EYS: variants seen among roughly 807,000 people sequenced by gnomAD.
EYS encodes the protein EGF-like photoreceptor maintenance factor, also known as protein eyes shut homolog.
Under a neutral mutation model 282.1 loss-of-function variants are expected in EYS, and 250 were observed. The ratio of observed to expected loss-of-function variants is 0.89; its 90% CI spans 0.80 to 0.98. The LOEUF (loss-of-function observed/expected upper bound fraction) is 0.98, where lower values mean the gene tolerates loss of function less well. EYS is among the 50% of genes least tolerant of loss of function. The pLI is 0.00. For synonymous variants in EYS, 1,355 were observed against 1,282.9 expected (o/e 1.06, Z -1.20); for missense variants, 4,016 against 3,709.0 (o/e 1.08, Z -2.15).
At chr6:65,278,328 A>ATATATATATAGAATCTATATATTC (rs1768115394) in intron 12 of EYS, among the ~76,000 whole-genome samples, 1 of 133,504 alleles carries the variant, frequency 7.5e-6, no homozygotes, top group Admixed American at 7.9e-5. Flanking sequence ...AGAAATCTAT[A>ATATATATATAGAATCTATATATTC]TATATATAGA....
intron 31 of EYS, among the ~76,000 whole-genome samples, chr6:64,094,093 C>T (rs573266230): frequency 1.2e-3 from 186 of 152,246 alleles, no homozygotes; most frequent in African/African-American, 4.0e-3. Context: ...CCTTGCATCC[C>T]AGGGATGAAG....
intron 35 of EYS, among the ~76,000 whole-genome samples, chr6:63,983,993 TA>T (rs1272938974): frequency 6.6e-6 from 1 of 151,318 alleles, no homozygotes; most frequent in Non-Finnish European, 1.5e-5. Context: ...GGCAGATGAG[TA>T]AAAAACAAAT....
chr6:64,008,885 C>A (rs1195610423), intron 33 of EYS, among the ~76,000 whole-genome samples: 2 of 152,158 alleles, frequency 1.3e-5, no homozygotes, highest in African/African-American at 4.8e-5. Flanking sequence ...TTCTCTCTAG[C>A]TGCCTTTAAC....
intron 1 of EYS, among the ~76,000 whole-genome samples, chr6:65,655,838 T>A (rs139493063): frequency 1.3e-5 from 2 of 151,836 alleles, no homozygotes; most frequent in South Asian, 2.1e-4. Context: ...GTGAACAATG[T>A]TGAAATAACA....
At chr6:63,920,916 A>G (rs1406266095) in intron 35 of EYS, among the ~76,000 whole-genome samples, 1 of 150,864 alleles carries the variant, frequency 6.6e-6, no homozygotes, top group East Asian at 2.0e-4. Context: ...TTTTGGAGAC[A>G]GAGTCTCACT....
chr6:65,339,372 T>A (rs1251760960), intron 10 of EYS, among the ~76,000 whole-genome samples: 2 of 151,298 alleles, frequency 1.3e-5, no homozygotes, highest in East Asian at 3.9e-4. Flanking sequence ...ATGATTTCAG[T>A]CACCACGGTT....
intron 12 of EYS, among the ~76,000 whole-genome samples, chr6:65,273,668 T>G (rs1329107305): frequency 6.6e-6 from 1 of 152,212 alleles, no homozygotes; most frequent in East Asian, 1.9e-4. Flanking sequence ...TTGTTTTCCT[T>G]GCAATGCAGC....
chr6:65,443,569 CAT>C (rs145955305), intron 5 of EYS, among the ~76,000 whole-genome samples: 16,411 of 151,490 alleles, frequency 0.11, 1,373 homozygotes, highest in African/African-American at 0.22. Flanking sequence ...TGTATACACA[CAT>C]ATGTGTATAT....
intron 5 of EYS, among the ~76,000 whole-genome samples, chr6:65,413,537 AT>A (rs1767109595): frequency 6.6e-6 from 1 of 152,094 alleles, no homozygotes; most frequent in Non-Finnish European, 1.5e-5. Flanking sequence ...TATAGAAATA[AT>A]GGAATGAGTC....
chr6:64,075,709 T>C (rs1366044938), intron 32 of EYS, among the ~76,000 whole-genome samples: 2 of 151,888 alleles, frequency 1.3e-5, no homozygotes, highest in Non-Finnish European at 2.9e-5. Context: ...CTAGACAAGG[T>C]ACAAGAGGAA....
chr6:64,995,808 G>A (rs1025237874), intron 14 of EYS, among the ~76,000 whole-genome samples: 1 of 149,810 alleles, frequency 6.7e-6, no homozygotes, highest in Non-Finnish European at 1.5e-5. Context: ...GCTTCTTAGT[G>A]GCAATTCATA....
intron 18 of EYS, among the ~76,000 whole-genome samples, chr6:64,891,435 G>A (rs1410411752): frequency 6.6e-6 from 1 of 151,964 alleles, no homozygotes; most frequent in African/African-American, 2.4e-5. Flanking sequence ...CTAATAGGAA[G>A]GGCAAGCACA....
chr6:63,965,164 T>C (rs572499210), intron 35 of EYS, among the ~76,000 whole-genome samples: 1 of 152,082 alleles, frequency 6.6e-6, no homozygotes, highest in Non-Finnish European at 1.5e-5. Context: ...AAAGGGCCTT[T>C]CTATTTTTGT....
At chr6:63,726,917 A>G (rs1450952757) in intron 41 of EYS, among the ~76,000 whole-genome samples, 1 of 152,144 alleles carries the variant, frequency 6.6e-6, no homozygotes, top group Admixed American at 6.5e-5. Flanking sequence ...TCTGGTAACT[A>G]TGCCTTTTTG....
chr6:64,017,846 A>G (rs1430916786), intron 33 of EYS, among the ~76,000 whole-genome samples: 2 of 152,112 alleles, frequency 1.3e-5, no homozygotes, highest in African/African-American at 4.8e-5. Context: ...ATTTACTTAA[A>G]CCTCTGGGCA....
At chr6:64,971,854 T>G (rs191157961) in intron 14 of EYS, among the ~76,000 whole-genome samples, 1 of 152,244 alleles carries the variant, frequency 6.6e-6, no homozygotes, top group African/African-American at 2.4e-5. Flanking sequence ...TGGAGATGCC[T>G]TTGTTGTTAC....
chr6:64,871,502 T>C (rs748787137), intron 19 of EYS, among the ~76,000 whole-genome samples: 28 of 152,048 alleles, frequency 1.8e-4, no homozygotes, highest in Non-Finnish European at 3.5e-4. Context: ...TTATATAACT[T>C]CCTAAATGAA....
chr6:65,135,519 A>G (rs1353838605), intron 12 of EYS, among the ~76,000 whole-genome samples: 1 of 152,066 alleles, frequency 6.6e-6, no homozygotes, highest in East Asian at 1.9e-4. Flanking sequence ...TTTATAAAGA[A>G]TGTAGTTTCA....
At chr6:65,326,586 A>G (rs950579589) in intron 11 of EYS, among the ~76,000 whole-genome samples, 9 of 151,580 alleles carry the variant, frequency 5.9e-5, no homozygotes, top group African/African-American at 1.9e-4. Context: ...TATACACAGT[A>G]AAACAAAAAA....
Sources: allele counts gnomAD v4.1 joint callset (sites outside exome capture counted in the v4.1 genomes callset), GRCh38; gene constraint gnomAD v4.1.1; transcripts MANE v1.5; gene names NCBI Gene and HGNC (gene_info 2026-07-23, HGNC 2026-07-21).